RBFOX1: variants seen among roughly 807,000 people sequenced by gnomAD.
RBFOX1 encodes RNA binding fox-1 homolog 1.
In RBFOX1, 8 loss-of-function variants were observed where a neutral mutation model predicts 57.7. The observed-to-expected ratio is 0.14, with a 90% confidence interval of 0.08 to 0.25. The LOEUF (loss-of-function observed/expected upper bound fraction) is 0.25, where lower values mean the gene tolerates loss of function less well. Among genes scored for constraint, RBFOX1 ranks in the 10% least tolerant of loss-of-function variants. The pLI, the probability that RBFOX1 is intolerant of heterozygous loss-of-function variation, is 1.00. For missense variants in RBFOX1, 611 were observed against 548.5 expected (o/e 1.11, Z -1.14); for synonymous variants, 326 against 222.4 (o/e 1.47, Z -4.15).
chr16:7,078,692 T>C (rs1209791427), intron 4 of RBFOX1, among the ~76,000 whole-genome samples: 1 of 122,498 alleles, frequency 8.2e-6, no homozygotes. Flanking sequence ...TTTTATTTTA[T>C]TTTTTTTTGA....
intron 2 of RBFOX1, among the ~76,000 whole-genome samples, chr16:5,564,482 A>G (rs1049338304): frequency 6.6e-6 from 1 of 152,110 alleles, no homozygotes; most frequent in Non-Finnish European, 1.5e-5. Context: ...TTGGTCTAAT[A>G]AGAAACCCTC....
chr16:6,914,839 G>T (rs2072703945), intron 3 of RBFOX1, among the ~76,000 whole-genome samples: 1 of 152,214 alleles, frequency 6.6e-6, no homozygotes, highest in South Asian at 2.1e-4. Context: ...ACTGAGCCAA[G>T]ATCGCAACAT....
intron 1 of RBFOX1, among the ~76,000 whole-genome samples, chr16:6,143,129 C>T (rs538357706): frequency 6.6e-5 from 10 of 152,166 alleles, no homozygotes; most frequent in Non-Finnish European, 1.5e-4. Context: ...TGTGTCTGGG[C>T]CACACTTTGT....
chr16:5,679,043 C>T (rs1244701437), intron 3 of RBFOX1, among the ~76,000 whole-genome samples: 1 of 152,204 alleles, frequency 6.6e-6, no homozygotes, highest in East Asian at 1.9e-4. Context: ...TGGAATTTAG[C>T]AGTTAATCAC....
intron 3 of RBFOX1, among the ~76,000 whole-genome samples, chr16:6,977,962 C>T (rs1458720481): frequency 2.1e-5 from 2 of 95,518 alleles, no homozygotes; most frequent in East Asian, 3.2e-4. Flanking sequence ...GGCAAACCTC[C>T]TTTCCCAATG....
intron 14 of RBFOX1, among the ~76,000 whole-genome samples, chr16:7,698,264 C>A (rs1002159396): frequency 4.6e-5 from 7 of 151,624 alleles, no homozygotes; most frequent in African/African-American, 1.7e-4. Context: ...AAGATATGCC[C>A]CTTCCACCAT....
At chr16:7,022,445 C>T (rs1168200961) in intron 3 of RBFOX1, among the ~76,000 whole-genome samples, 3 of 152,062 alleles carry the variant, frequency 2.0e-5, no homozygotes, top group South Asian at 4.1e-4. Context: ...CCACATTTCC[C>T]TCTGTCTCTC....
At chr16:6,127,214 C>T (rs2096596252) in intron 1 of RBFOX1, among the ~76,000 whole-genome samples, 1 of 151,232 alleles carries the variant, frequency 6.6e-6, no homozygotes, top group Non-Finnish European at 1.5e-5. Context: ...TAGATGGAGT[C>T]AAAGGTTTGG....
chr16:6,665,955 A>T (rs1213057430), intron 3 of RBFOX1, among the ~76,000 whole-genome samples: 1 of 152,076 alleles, frequency 6.6e-6, no homozygotes, highest in East Asian at 1.9e-4. Context: ...GGGACCTGGT[A>T]GGAGGTAATT....
intron 14 of RBFOX1, among the ~76,000 whole-genome samples, chr16:7,703,274 G>C (rs2081359958): frequency 6.6e-6 from 1 of 152,202 alleles, no homozygotes; most frequent in South Asian, 2.1e-4. Context: ...TCCCTGGTGA[G>C]ACATCCCATT....
intron 3 of RBFOX1, among the ~76,000 whole-genome samples, chr16:6,987,456 G>GACACACAC (rs199503873): frequency 3.5e-3 from 470 of 135,504 alleles, no homozygotes; most frequent in Middle Eastern, 7.9e-3. Flanking sequence ...AAACTTTTCA[G>GACACACAC]ACACACACAC....
chr16:5,907,911 C>T (rs1333605017), intron 4 of RBFOX1, among the ~76,000 whole-genome samples: 2 of 151,800 alleles, frequency 1.3e-5, no homozygotes, highest in African/African-American at 4.8e-5. Flanking sequence ...CCACCATGCC[C>T]AGCTAATTTT....
intron 3 of RBFOX1, among the ~76,000 whole-genome samples, chr16:5,841,959 G>T (rs1228732620): frequency 2.0e-5 from 3 of 152,190 alleles, no homozygotes; most frequent in Non-Finnish European, 2.9e-5. Context: ...GACGTGGGCT[G>T]GTGGGCTGCC....
intron 4 of RBFOX1, among the ~76,000 whole-genome samples, chr16:7,055,430 T>C (rs1035581190): frequency 2.0e-5 from 3 of 152,152 alleles, no homozygotes; most frequent in African/African-American, 4.8e-5. Context: ...ATCAGGGCAG[T>C]GGTTTGCAAT....
intron 1 of RBFOX1, among the ~76,000 whole-genome samples, chr16:6,169,803 C>T (rs992370647): frequency 3.3e-4 from 50 of 151,770 alleles, no homozygotes; most frequent in African/African-American, 1.2e-3. Context: ...CTCCCTCTAT[C>T]ACCCAGGCTG....
At chr16:5,273,784 T>C (rs767413650) in intron 1 of RBFOX1, among the ~76,000 whole-genome samples, 1 of 152,108 alleles carries the variant, frequency 6.6e-6, no homozygotes, top group Admixed American at 6.5e-5. Context: ...TGATGGATCA[T>C]GAGCAGCTGG....
At chr16:6,902,673 G>C (rs1341071413) in intron 3 of RBFOX1, among the ~76,000 whole-genome samples, 1 of 152,202 alleles carries the variant, frequency 6.6e-6, no homozygotes, top group African/African-American at 2.4e-5. Context: ...AGTGAGCTGA[G>C]ATTGTGCCAC....
intron 2 of RBFOX1, among the ~76,000 whole-genome samples, chr16:6,452,426 C>T (rs2094653051): frequency 6.6e-6 from 1 of 152,092 alleles, no homozygotes; most frequent in Non-Finnish European, 1.5e-5. Flanking sequence ...CGTCTCTCTT[C>T]CTGCCATGAC....
At chr16:7,092,349 A>C (rs1459380183) in intron 4 of RBFOX1, among the ~76,000 whole-genome samples, 1 of 152,254 alleles carries the variant, frequency 6.6e-6, no homozygotes, top group African/African-American at 2.4e-5. Flanking sequence ...AATGTGAAGA[A>C]GGAAAAACAA....
Sources: gnomAD v4.1 joint callset for allele counts (sites outside exome capture counted in the v4.1 genomes callset) on GRCh38, gnomAD v4.1.1 for gene constraint, MANE v1.5 for transcripts, NCBI Gene and HGNC (gene_info 2026-07-23, HGNC 2026-07-21) for gene names.